Variants in CNTNAP2 observed in about 807,000 individuals in gnomAD.
CNTNAP2 encodes contactin-associated protein-like 2.
A neutral mutation model predicts 155.2 loss-of-function variants in CNTNAP2; 98 were observed. The observed-to-expected ratio is 0.63, with a 90% CI of 0.54 to 0.75. CNTNAP2 has a LOEUF of 0.75. Among genes scored for constraint, CNTNAP2 ranks in the 30% least tolerant of loss-of-function variants. The probability of loss-of-function intolerance (pLI) is 0.00; values close to 1 mark genes in which losing one functional copy is unlikely to be tolerated. For missense variants in CNTNAP2, 1,727 were observed against 1,688.1 expected, an observed-to-expected ratio of 1.02 and a Z score of -0.40; for synonymous variants, 651 against 631.2, an observed-to-expected ratio of 1.03 and a Z score of -0.47.
rs386411606 is a variant in CNTNAP2 at position 147,950,364 on chromosome 7, C to CAAAAAAAAAAAAAAAAA, written c.2256-27485_2256-27469dup. Among the ~76,000 whole-genome samples, 7 of 55,782 alleles carry CAAAAAAAAAAAAAAAAA rather than the reference C, an allele frequency of 1.3e-4. 1 individual carries two copies. The highest frequency in any genetic ancestry group is 8.1e-4 in the South Asian group (1 of 1,228). The allele number at this position is 55,782 out of a possible 152,430, so 36.6% of individuals were successfully genotyped here. On this transcript the variant is annotated intron_variant, in intron 14 of 23. Coordinates refer to ENST00000361727, the MANE Select transcript of CNTNAP2 (RefSeq NM_014141.6). Reference sequence around the variant, plus strand: ...AGCTTAAGCTATACACATAGAGAGGCAAAAAAAAAAAAAAAAAAAAAAAAA... The same window carrying CAAAAAAAAAAAAAAAAA: ...AGCTTAAGCTATACACATAGAGAGGCAAAAAAAAAAAAAAAAAAAAAAAAAAAAAAAAAAAAAAAAAA...
chr7:148,205,381 A>C (rs933186039), intron 18 of CNTNAP2, among the ~76,000 whole-genome samples: 1 of 152,268 alleles, frequency 6.6e-6, no homozygotes. Flanking sequence ...CAAACTGTGA[A>C]GTTAGCAGCA....
chr7:148,147,879 A>C (rs1466369156), intron 17 of CNTNAP2, among the ~76,000 whole-genome samples, 170 bp downstream of exon 17: 2 of 152,168 alleles, frequency 1.3e-5, no homozygotes, highest in African/African-American at 4.8e-5. Flanking sequence ...ATAAGGAAGA[A>C]GTTTCAGGAG....
chr7:147,740,270 T>G (rs1796934448), intron 13 of CNTNAP2, among the ~76,000 whole-genome samples: 1 of 152,078 alleles, frequency 6.6e-6, no homozygotes, highest in South Asian at 2.1e-4. Context: ...AGCATTTAAA[T>G]TTAGATATCA....
intron 1 of CNTNAP2, among the ~76,000 whole-genome samples, chr7:146,404,809 T>C (rs1183385257): frequency 6.6e-6 from 1 of 152,086 alleles, no homozygotes; most frequent in African/African-American, 2.4e-5. Context: ...CCTCCCAAAC[T>C]TCTCTACTTA....
At chr7:146,156,085 G>A (rs1798121747) in intron 1 of CNTNAP2, among the ~76,000 whole-genome samples, 1 of 151,922 alleles carries the variant, frequency 6.6e-6, no homozygotes, top group South Asian at 2.1e-4. Context: ...TCAGCTCCTG[G>A]GGATAACTCT....
chr7:146,822,324 CGTGGGGG>C (rs1803302628), intron 2 of CNTNAP2, among the ~76,000 whole-genome samples: 1 of 151,588 alleles, frequency 6.6e-6, no homozygotes, highest in Non-Finnish European at 1.5e-5. Context: ...CCTGTTGTGG[CGTGGGGG>C]CAGGGGGGAG....
chr7:146,865,402 A>G (rs969020176), intron 3 of CNTNAP2, among the ~76,000 whole-genome samples: 1 of 152,134 alleles, frequency 6.6e-6, no homozygotes, highest in African/African-American at 2.4e-5. Flanking sequence ...AATTTCAAAA[A>G]TTACTATAAA....
chr7:148,248,685 A>G (rs1323971114), intron 20 of CNTNAP2, among the ~76,000 whole-genome samples: 1 of 152,192 alleles, frequency 6.6e-6, no homozygotes, highest in East Asian at 1.9e-4. Flanking sequence ...TTTTGGGGAT[A>G]TTATGACTAC....
At chr7:146,716,270 C>T (rs1020240176) in intron 1 of CNTNAP2, among the ~76,000 whole-genome samples, 2 of 147,998 alleles carry the variant, frequency 1.4e-5, no homozygotes, top group Non-Finnish European at 3.0e-5. Flanking sequence ...GTAAGCAGGA[C>T]AAATTCTTAG....
intron 9 of CNTNAP2, among the ~76,000 whole-genome samples, chr7:147,365,948 T>C (rs1198564923): frequency 6.6e-6 from 1 of 152,204 alleles, no homozygotes; most frequent in Non-Finnish European, 1.5e-5. Context: ...TCATTCTCTT[T>C]CCTTAAATAG....
chr7:147,606,586 G>T (rs972283879), intron 12 of CNTNAP2, among the ~76,000 whole-genome samples: 2 of 152,078 alleles, frequency 1.3e-5, no homozygotes, highest in Non-Finnish European at 2.9e-5. Context: ...TTGACCACTA[G>T]AGTACCAATA....
At chr7:146,973,368 T>C (rs1287587199) in intron 3 of CNTNAP2, among the ~76,000 whole-genome samples, 1 of 152,112 alleles carries the variant, frequency 6.6e-6, no homozygotes, top group Non-Finnish European at 1.5e-5. Context: ...ATACACATGG[T>C]TTGTGGCAAC....
intron 1 of CNTNAP2, among the ~76,000 whole-genome samples, chr7:146,320,789 A>C (rs934176816): frequency 6.6e-6 from 1 of 152,164 alleles, no homozygotes; most frequent in African/African-American, 2.4e-5. Context: ...CATTAAAGTT[A>C]AAAAAATTCT....
chr7:147,497,622 C>T (rs1306097539), intron 11 of CNTNAP2, among the ~76,000 whole-genome samples: 1 of 152,162 alleles, frequency 6.6e-6, no homozygotes, highest in East Asian at 1.9e-4. Flanking sequence ...ATTCAGAGCT[C>T]TAGAAAAGCC....
chr7:147,240,286 C>T (rs1012628629), intron 8 of CNTNAP2, among the ~76,000 whole-genome samples: 1 of 152,122 alleles, frequency 6.6e-6, no homozygotes. Context: ...GATTGTGCCA[C>T]CGCACTCCAG....
chr7:147,174,879 T>G (rs1380676876), intron 8 of CNTNAP2, among the ~76,000 whole-genome samples: 1 of 152,140 alleles, frequency 6.6e-6, no homozygotes, highest in East Asian at 1.9e-4. Context: ...AATATATAAT[T>G]TTTTCATAGA....
chr7:148,338,671 A>G (rs898400662), intron 21 of CNTNAP2, among the ~76,000 whole-genome samples: 6 of 152,144 alleles, frequency 3.9e-5, no homozygotes, highest in African/African-American at 1.4e-4. Context: ...GCTCTTTCCT[A>G]TCACTACTGT....
intron 15 of CNTNAP2, among the ~76,000 whole-genome samples, chr7:148,080,214 A>G (rs77816165): frequency 0.022 from 3,382 of 152,312 alleles, 47 homozygotes; most frequent in Non-Finnish European, 0.034. Context: ...AGCCACTAAG[A>G]TGTCAGGGTT....
chr7:148,180,291 C>A (rs1307678072), intron 18 of CNTNAP2, among the ~76,000 whole-genome samples: 1 of 152,106 alleles, frequency 6.6e-6, no homozygotes, highest in African/African-American at 2.4e-5. Context: ...CCCAAAGGAA[C>A]AAGAATAGAA....
Sources: allele counts gnomAD v4.1 joint callset (sites outside exome capture counted in the v4.1 genomes callset), GRCh38; gene constraint gnomAD v4.1.1; transcripts MANE v1.5; gene names NCBI Gene and HGNC (gene_info 2026-07-23, HGNC 2026-07-21).